RASSF5: variants seen among roughly 807,000 people sequenced by gnomAD.
The protein encoded by RASSF5 is Ras association domain family member 5, also known as ras association domain-containing protein 5.
Under a neutral mutation model 40.5 loss-of-function variants are expected in RASSF5, and 25 were observed. That is an observed-to-expected ratio of 0.62 (90% CI 0.45 to 0.86). The LOEUF (loss-of-function observed/expected upper bound fraction) is 0.86. RASSF5 is among the 40% of genes least tolerant of loss of function. The pLI, the probability that RASSF5 is intolerant of heterozygous loss-of-function variation, is 0.00. For missense variants in RASSF5, 521 were observed against 572.8 expected, an observed-to-expected ratio of 0.91 and a Z score of 0.92; for synonymous variants, 246 against 252.4, an observed-to-expected ratio of 0.97 and a Z score of 0.24.
chr1:206,544,934 C>T (rs1312137489), intron 2 of RASSF5: 2 of 152,036 alleles, frequency 1.3e-5, no homozygotes, highest in African/African-American at 4.8e-5. Flanking sequence ...TGCCTTGTCC[C>T]TCAGCCCAAC....
intron 1 of RASSF5, among the ~76,000 whole-genome samples, chr1:206,522,556 T>C (rs1156462461): frequency 6.6e-6 from 1 of 152,178 alleles, no homozygotes; most frequent in African/African-American, 2.4e-5. Context: ...CCCCAAACCA[T>C]TTACTTTTAC....
At chr1:206,548,926 C>T (rs576491891) in intron 2 of RASSF5, among the ~76,000 whole-genome samples, 27 of 152,164 alleles carry the variant, frequency 1.8e-4, no homozygotes, top group Non-Finnish European at 3.1e-4. Context: ...AGTGCAATGG[C>T]GCGTTCTCGG....
Position 206,586,950 on chromosome 1 carries a change from TAAG to T in RASSF5, c.1231_1233del (p.Arg411del). ...TTTAGGCAGAAACTGGAGGAGGCCT[TAAG>T]AGAATCCCAGGGCAAACCTGGGTAA... is the stretch of plus-strand genomic sequence containing the variant. On this transcript the variant is annotated inframe_deletion, in exon 6 of 6. Transcript: ENST00000579436. The T allele has an allele frequency of 6.2e-7, 1 of 1,614,204 alleles. No homozygotes were observed. Among genetic ancestry groups the T allele is most frequent in the Non-Finnish European group, 8.5e-7 (1 of 1,180,010 alleles).
chr1:206,565,435 A>G (rs1668261747), intron 2 of RASSF5, among the ~76,000 whole-genome samples: 1 of 152,140 alleles, frequency 6.6e-6, no homozygotes, highest in East Asian at 1.9e-4. Context: ...CCTCTTTAGT[A>G]CAGCGTCCAA....
At chr1:206,529,511 C>T (rs899559392) in intron 1 of RASSF5, 36 of 1,390,202 alleles carry the variant, frequency 2.6e-5, no homozygotes, top group Middle Eastern at 2.5e-4. Context: ...GCACCACTGT[C>T]GCCTTCACAC....
chr1:206,561,267 C>G (rs1553402555), intron 2 of RASSF5, among the ~76,000 whole-genome samples: 2 of 152,226 alleles, frequency 1.3e-5, no homozygotes, highest in Non-Finnish European at 2.9e-5. Context: ...TAACACCCCT[C>G]CAGGACTCCT....
At chr1:206,538,394 A>G in intron 2 of RASSF5, 101 bp downstream of exon 2, 3 of 1,501,804 alleles carry the variant, frequency 2.0e-6, no homozygotes, top group Non-Finnish European at 1.8e-6. Flanking sequence ...AGGTGGCATG[A>G]GGCCTCAGAT....
chr1:206,513,026 C>T lies in RASSF5; in HGVS notation c.457+4967C>T, dbSNP rs1372968977. ...GGACAGTGGTAAAGTTAGAACCTCT[C>T]GGGCGGGCCTCATTCTGACAGGTCT... On this transcript the variant is annotated intron_variant, in intron 1 of 5. Transcript: ENST00000579436. The surrounding 1 kb of genome is among the most constrained non-coding windows in gnomAD (Gnocchi z 5.0). Among the ~76,000 whole-genome samples the T allele has an allele frequency of 2.6e-5, 4 of 152,210 alleles. No homozygotes were observed. Among genetic ancestry groups the T allele is most frequent in the African/African-American group, 4.8e-5 (2 of 41,430 alleles).
chr1:206,573,587 CAAGT>C, intron 2 of RASSF5, among the ~76,000 whole-genome samples: 1 of 152,314 alleles, frequency 6.6e-6, no homozygotes, highest in Middle Eastern at 3.4e-3. Flanking sequence ...AAGTATTGAG[CAAGT>C]ATTTCCTATT....
At chr1:206,572,129 T>C (rs552602887) in intron 2 of RASSF5, among the ~76,000 whole-genome samples, 4 of 152,354 alleles carry the variant, frequency 2.6e-5, no homozygotes, top group Non-Finnish European at 5.9e-5. Flanking sequence ...AAGACCTTTA[T>C]AAAATTCTGG....
chr1:206,584,807 C>A lies in RASSF5; in HGVS notation c.988+123C>A. 9.8e-7 allele frequency: 1 copy of A among 1,025,168 alleles called. No individual in the cohort carries two copies. The highest frequency in any genetic ancestry group is 1.4e-6 in the Non-Finnish European group (1 of 691,884). The allele number at this position is 1,025,168 out of a possible 1,614,324, so 63.5% of individuals were successfully genotyped here. A position where few individuals can be genotyped will look rare whatever the true frequency, so the allele number is the denominator to read the frequency against. Reference sequence around the variant, plus strand: ...CTTCTCCTGAGCACCAGGGGTCCAGCTGCCCATGTGGTGTTCAGATCTGTG... The same window carrying A: ...CTTCTCCTGAGCACCAGGGGTCCAGATGCCCATGTGGTGTTCAGATCTGTG... On this transcript the variant is annotated intron_variant, in intron 4 of 5. Coordinates refer to ENST00000579436, the MANE Select transcript of RASSF5 (RefSeq NM_182663.4). The surrounding 1 kb of genome is among the most constrained non-coding windows in gnomAD (Gnocchi z 4.9).
chr1:206,543,048 CT>C (rs1252847402), intron 2 of RASSF5: 4 of 151,992 alleles, frequency 2.6e-5, no homozygotes, highest in Non-Finnish European at 5.9e-5. Flanking sequence ...CTTGTCTCTA[CT>C]AAAAATTAAA....
intron 2 of RASSF5, chr1:206,580,721 C>T (rs961576242): frequency 6.6e-6 from 1 of 152,262 alleles, no homozygotes; most frequent in Non-Finnish European, 1.5e-5. Flanking sequence ...GCCAGAGCTG[C>T]TTGCCCTTGG....
rs782433121 is a variant in RASSF5 at position 206,584,773 on chromosome 1, A to T, written c.988+89A>T. ...AAAACTCCTGCCGGCCTTGGGTGGG[A>T]GCTGTGGGCTTCTCCTGAGCACCAG... On this transcript the variant is annotated intron_variant, in intron 4 of 5. Coordinates refer to ENST00000579436, the MANE Select transcript of RASSF5 (RefSeq NM_182663.4). This position sits in a 1 kb window ranked among gnomAD's most constrained non-coding sequence, Gnocchi z 4.9. 2.8e-6 allele frequency: 4 copies of T among 1,411,200 alleles called. No homozygotes were observed. Among genetic ancestry groups the T allele is most frequent in the Non-Finnish European group, 3.9e-6 (4 of 1,022,384 alleles). The allele number at this position is 1,411,200 out of a possible 1,614,324, so 87.4% of individuals were successfully genotyped here.
rs1668766655 is a variant in RASSF5 at position 206,579,041 on chromosome 1, C to T, written c.580-4228C>T. On this transcript the variant is annotated intron_variant, in intron 2 of 5. Transcript: ENST00000579436. The surrounding 1 kb of genome is among the most constrained non-coding windows in gnomAD (Gnocchi z 4.2). Reference sequence around the variant, plus strand: ...AGAGAATCACTCAGGGTCGGGGTGTCGCTGTGAACCCCTAGCACCCAGCCT... The same window carrying T: ...AGAGAATCACTCAGGGTCGGGGTGTTGCTGTGAACCCCTAGCACCCAGCCT... Among the ~76,000 whole-genome samples, 2 of 152,214 alleles carry T rather than the reference C, an allele frequency of 1.3e-5. No individual in the cohort carries two copies. The highest frequency in any genetic ancestry group is 6.5e-5 in the Admixed American group (1 of 15,292).
chr1:206,530,416 G>A (rs1321230563), intron 1 of RASSF5, among the ~76,000 whole-genome samples: 1 of 152,118 alleles, frequency 6.6e-6, no homozygotes, highest in Non-Finnish European at 1.5e-5. Flanking sequence ...GTAGATGGAT[G>A]TGGGGGTATT....
intron 1 of RASSF5, among the ~76,000 whole-genome samples, chr1:206,537,157 A>G (rs1369597462): frequency 3.3e-5 from 5 of 152,094 alleles, no homozygotes; most frequent in Admixed American, 1.3e-4. Flanking sequence ...GCTGCCACCA[A>G]TGAGCTGTGT....
intron 2 of RASSF5, among the ~76,000 whole-genome samples, chr1:206,553,287 T>C (rs1667894569): frequency 6.6e-6 from 1 of 152,316 alleles, no homozygotes; most frequent in South Asian, 2.1e-4. Context: ...ACATAGTAAT[T>C]ATTCAATAAT....
At chr1:206,556,912 G>A (rs2103538141) in intron 2 of RASSF5, among the ~76,000 whole-genome samples, 1 of 152,300 alleles carries the variant, frequency 6.6e-6, no homozygotes, top group Non-Finnish European at 1.5e-5. Flanking sequence ...TTTACTCCGT[G>A]GAACCTGAGT....
Sources: allele counts gnomAD v4.1 joint callset (sites outside exome capture counted in the v4.1 genomes callset), GRCh38; gene constraint gnomAD v4.1.1; non-coding constraint Gnocchi (gnomAD v3.1); transcripts MANE v1.5; gene names NCBI Gene and HGNC (gene_info 2026-07-23, HGNC 2026-07-21).